The following FCHO2 variants were observed in gnomAD, a reference collection of about 807,000 sequenced individuals.
FCHO2 encodes FCH and mu domain containing endocytic adaptor 2.
A neutral mutation model predicts 114.1 loss-of-function variants in FCHO2; 43 were observed. That is an observed-to-expected ratio of 0.38 (90% CI 0.30 to 0.49). The LOEUF (loss-of-function observed/expected upper bound fraction) is 0.49. FCHO2 is among the 20% of genes least tolerant of loss of function. The pLI is 0.97. For missense variants in FCHO2, 807 were observed against 950.4 expected (o/e 0.85, Z 1.98); for synonymous variants, 293 against 315.2 (o/e 0.93, Z 0.75).
intron 14 of FCHO2, 144 bp from the exon 15 acceptor site, chr5:73,054,381 A>C (rs1006769750): frequency 1.2e-6 from 1 of 855,286 alleles, no homozygotes; most frequent in Non-Finnish European, 1.8e-6. Context: ...TTTTTTCTCT[A>C]TATCTTTTAT....
At chr5:72,974,342 C>T (rs1334694270) in intron 2 of FCHO2, among the ~76,000 whole-genome samples, 1 of 141,352 alleles carries the variant, frequency 7.1e-6, no homozygotes, top group East Asian at 2.2e-4. Flanking sequence ...GAGTCTAAGT[C>T]TCTTTGTAGG....
intron 5 of FCHO2, among the ~76,000 whole-genome samples, chr5:72,999,185 T>C (rs1754292401): frequency 6.6e-6 from 1 of 152,004 alleles, no homozygotes; most frequent in Non-Finnish European, 1.5e-5. Context: ...TGATATTAGA[T>C]AGTGGGTTCT....
Position 73,068,767 on chromosome 5 carries a change from A to G in FCHO2, c.1567A>G (p.Thr523Ala), listed in dbSNP as rs1742490018. ...SSSASLSAANTPTVGVSRGPS... is the reference protein window; with the variant it reads ...SSSASLSAANAPTVGVSRGPS... ...ATCTGCTTCATTGAGTGCTGCCAATACTCCAACAGTAGGTAAGTGATTATC... is the reference window on the plus strand; with the variant it reads ...ATCTGCTTCATTGAGTGCTGCCAATGCTCCAACAGTAGGTAAGTGATTATC... Residue 523 changes from threonine (T) to alanine (A), a missense_variant, in exon 19 of 26, where the codon ACT becomes GCT. Transcript: ENST00000430046. 6.2e-7 allele frequency: 1 copy of G among 1,611,732 alleles called. No individual in the cohort carries two copies. Among genetic ancestry groups the G allele is most frequent in the East Asian group, 2.2e-5 (1 of 44,788 alleles).
intron 6 of FCHO2, among the ~76,000 whole-genome samples, chr5:73,010,631 C>G (rs1388345154): frequency 1.3e-5 from 2 of 151,928 alleles, no homozygotes; most frequent in Non-Finnish European, 2.9e-5. Flanking sequence ...AATCCCAGCA[C>G]TTTTGGAGGC....
At chr5:73,002,283 C>T (rs1006254061) in intron 5 of FCHO2, among the ~76,000 whole-genome samples, 2 of 152,086 alleles carry the variant, frequency 1.3e-5, no homozygotes, top group South Asian at 2.1e-4. Context: ...CTAGAGACTA[C>T]GTGAGTATAG....
chr5:73,023,033 C>T (rs770292110), intron 8 of FCHO2, among the ~76,000 whole-genome samples: 1 of 151,972 alleles, frequency 6.6e-6, no homozygotes, highest in African/African-American at 2.4e-5. Context: ...GAATAAATCT[C>T]TGTGTTTAGG....
At chr5:73,061,007 CAA>C (rs202006082) in intron 17 of FCHO2, among the ~76,000 whole-genome samples, 6 of 129,458 alleles carry the variant, frequency 4.6e-5, no homozygotes, top group African/African-American at 5.7e-5. Flanking sequence ...CTTGTGCTCA[CAA>C]AAAAAAAAAA....
At chr5:73,015,960 G>A (rs1005716933) in intron 7 of FCHO2, among the ~76,000 whole-genome samples, 9 of 151,794 alleles carry the variant, frequency 5.9e-5, no homozygotes, top group Non-Finnish European at 8.8e-5. Flanking sequence ...ACTATATTCA[G>A]TTTTCTTTAT....
At chr5:73,076,573 A>C (rs1742920074) in intron 20 of FCHO2, among the ~76,000 whole-genome samples, 1 of 152,212 alleles carries the variant, frequency 6.6e-6, no homozygotes, top group Non-Finnish European at 1.5e-5. Context: ...ATAAGAGCAG[A>C]TGAGTTCCAG....
In FCHO2 at chr5:73,088,985, A is replaced by AT. The variant is rs530859192; in HGVS notation, c.*900dup. The stretch of plus-strand genomic sequence containing the variant: ...CAAGCATTTTTATAAGATATTTGCA[A>AT]TTTTTGTAAATATTTTTGGCCTGCA... On this transcript the variant is annotated 3_prime_UTR_variant, in exon 26 of 26. Transcript: ENST00000430046. 6.6e-6 allele frequency: 1 copy of AT among 152,514 alleles called. No individual in the cohort carries two copies. The highest frequency in any genetic ancestry group is 1.5e-5 in the Non-Finnish European group (1 of 67,992). 9.4% of individuals were successfully genotyped at this position (152,514 alleles called of 1,614,324 possible). A position where few individuals can be genotyped will look rare whatever the true frequency, so the allele number is the denominator to read the frequency against.
intron 2 of FCHO2, among the ~76,000 whole-genome samples, chr5:72,981,911 G>A (rs948253168): frequency 7.2e-5 from 11 of 152,038 alleles, no homozygotes; most frequent in African/African-American, 2.7e-4. Flanking sequence ...TAGCTTAGGG[G>A]AGTTTGTTAT....
intron 6 of FCHO2, among the ~76,000 whole-genome samples, chr5:73,012,769 A>G (rs190239439): frequency 4.6e-5 from 7 of 152,270 alleles, no homozygotes; most frequent in Admixed American, 4.6e-4. Flanking sequence ...CCATTGCTGA[A>G]TTACTCTGAG....
At chr5:73,076,526 AAGAG>A (rs1455510055) in intron 20 of FCHO2, among the ~76,000 whole-genome samples, 1 of 152,178 alleles carries the variant, frequency 6.6e-6, no homozygotes, top group Non-Finnish European at 1.5e-5. Flanking sequence ...TTGCAGAAAA[AAGAG>A]GGAACAATCA....
chr5:72,956,199 T>G, intron 1 of FCHO2, 70 bp downstream of exon 1: 8 of 1,487,968 alleles, frequency 5.4e-6, no homozygotes, highest in South Asian at 3.8e-5. Context: ...TTGGCCTGCG[T>G]GCGCTTCGGG....
intron 9 of FCHO2, among the ~76,000 whole-genome samples, chr5:73,036,752 A>C (rs1042214101): frequency 6.6e-6 from 1 of 152,136 alleles, no homozygotes; most frequent in African/African-American, 2.4e-5. Flanking sequence ...TGGCCCTCTA[A>C]AAAGCAAACA....
At chr5:73,037,646 A>G (rs1756587040) in intron 10 of FCHO2, 1 of 278,152 alleles carries the variant, frequency 3.6e-6, no homozygotes, top group African/African-American at 2.3e-5. Context: ...ACCTATACAT[A>G]CATTGATGGA....
intron 20 of FCHO2, among the ~76,000 whole-genome samples, chr5:73,075,884 A>G (rs993045820): frequency 2.1e-5 from 3 of 143,518 alleles, no homozygotes; most frequent in Admixed American, 6.8e-5. Flanking sequence ...ACTTGGATAC[A>G]TGATTCTGGA....
chr5:73,053,036 T>G (rs1380427820), intron 13 of FCHO2, among the ~76,000 whole-genome samples: 2 of 152,176 alleles, frequency 1.3e-5, no homozygotes, highest in East Asian at 3.8e-4. Context: ...TAAAACATTA[T>G]CCCAGTAAAT....
intron 11 of FCHO2, among the ~76,000 whole-genome samples, chr5:73,043,952 A>G (rs1756932650): frequency 6.6e-6 from 1 of 152,142 alleles, no homozygotes; most frequent in Non-Finnish European, 1.5e-5. Context: ...TGTAATCCCC[A>G]GTGTTGGAGG....
Sources: allele counts gnomAD v4.1 joint callset (sites outside exome capture counted in the v4.1 genomes callset), GRCh38; gene constraint gnomAD v4.1.1; transcripts MANE v1.5; gene names NCBI Gene and HGNC (gene_info 2026-07-23, HGNC 2026-07-21).